TTC39C: variants seen among roughly 807,000 people sequenced by gnomAD.
The protein encoded by TTC39C is tetratricopeptide repeat domain 39C.
TTC39C carries 33 observed loss-of-function variants against 76.3 expected under a neutral mutation model. The ratio of observed to expected loss-of-function variants is 0.43; its 90% CI spans 0.33 to 0.58. The LOEUF is 0.58. Ranked by LOEUF, TTC39C falls within the 20% of genes least tolerant of loss-of-function variation. The pLI, the probability that TTC39C is intolerant of heterozygous loss-of-function variation, is 0.04. For synonymous variants in TTC39C, 254 were observed against 260.6 expected (o/e 0.97, Z 0.24); for missense variants, 595 against 701.4 (o/e 0.85, Z 1.71).
At chr18:24,069,097 T>C in intron 3 of TTC39C, 60 bp from the exon 4 acceptor site, 1 of 1,329,466 alleles carries the variant, frequency 7.5e-7, no homozygotes, top group Non-Finnish European at 1.1e-6. Context: ...TGATACTGTT[T>C]GGGGGAACTG....
intron 1 of TTC39C, among the ~76,000 whole-genome samples, chr18:24,047,419 A>G (rs1003233456): frequency 7.9e-5 from 12 of 152,196 alleles, no homozygotes; most frequent in African/African-American, 2.9e-4. Flanking sequence ...TCTTAATATC[A>G]GAATTCTTCA....
chr18:24,065,654 G>A (rs2084156601), intron 2 of TTC39C, among the ~76,000 whole-genome samples: 1 of 152,150 alleles, frequency 6.6e-6, no homozygotes. Context: ...TCCATATGTG[G>A]GTAGAATGAA....
At chr18:24,023,964 A>C (rs56091243) in intron 1 of TTC39C, among the ~76,000 whole-genome samples, 315 of 10,114 alleles carry the variant, frequency 0.031, 15 homozygotes, top group Middle Eastern at 0.17. Flanking sequence ...ATATATATAT[A>C]TATATATATA....
At chr18:24,104,768 T>A (rs2084726580) in intron 6 of TTC39C, among the ~76,000 whole-genome samples, 1 of 151,766 alleles carries the variant, frequency 6.6e-6, no homozygotes, top group Non-Finnish European at 1.5e-5. Context: ...AAGTACAGTC[T>A]CTTGTTCTTT....
At chr18:24,118,368 T>C (rs2145815445) in intron 8 of TTC39C, 136 bp downstream of exon 8, 1 of 631,456 alleles carries the variant, frequency 1.6e-6, no homozygotes. Flanking sequence ...TGTTAATGTT[T>C]TGTGCAACCA....
chr18:24,007,624 T>G (rs964434657), intron 1 of TTC39C, among the ~76,000 whole-genome samples: 2 of 152,230 alleles, frequency 1.3e-5, no homozygotes, highest in Non-Finnish European at 2.9e-5. Flanking sequence ...CCTCAGGTGA[T>G]CCACCCACCT....
chr18:24,034,628 C>A (rs865889997), intron 1 of TTC39C, among the ~76,000 whole-genome samples: 1 of 101,646 alleles, frequency 9.8e-6, no homozygotes, highest in East Asian at 2.2e-4. Flanking sequence ...ACCCATTAAA[C>A]AATAATTTCC....
Position 24,065,993 on chromosome 18 carries a change from ATTC to A in TTC39C, c.217-16_217-14del. 1 of 1,540,422 alleles carries A rather than the reference ATTC, an allele frequency of 6.5e-7. No individual in the cohort carries two copies. The highest frequency in any genetic ancestry group is 2.5e-5 in the East Asian group (1 of 40,530). ...CAGATACTAATTCATTCATTCATTC[ATTC>A]TTTCTTTCTTGGAAGAATGCCATGA... On this transcript the variant is annotated splice_polypyrimidine_tract_variant and intron_variant, in intron 2 of 13. Transcript: ENST00000317571.
chr18:24,122,266 C>T (rs977778354), intron 8 of TTC39C, among the ~76,000 whole-genome samples: 2 of 151,998 alleles, frequency 1.3e-5, no homozygotes, highest in African/African-American at 4.8e-5. Flanking sequence ...CACCTGTAAT[C>T]CCAGCACTTT....
intron 1 of TTC39C, among the ~76,000 whole-genome samples, chr18:24,030,569 G>C (rs1293340520): frequency 1.3e-5 from 2 of 151,584 alleles, no homozygotes; most frequent in Non-Finnish European, 2.9e-5. Flanking sequence ...TTGGTCATAG[G>C]TGCACGCTGT....
chr18:24,070,699 C>T (rs957508836), intron 4 of TTC39C, among the ~76,000 whole-genome samples: 5 of 151,902 alleles, frequency 3.3e-5, no homozygotes, highest in Non-Finnish European at 7.4e-5. Flanking sequence ...CAAAAATTAG[C>T]TGGGTGTGGT....
chr18:24,055,311 A>G (rs181400066), intron 1 of TTC39C, among the ~76,000 whole-genome samples: 14 of 152,330 alleles, frequency 9.2e-5, no homozygotes, highest in Admixed American at 2.6e-4. Flanking sequence ...GAAACTGCCT[A>G]TAGTTTTCCA....
At chr18:24,065,709 G>C (rs1190899152) in intron 2 of TTC39C, among the ~76,000 whole-genome samples, 1 of 152,194 alleles carries the variant, frequency 6.6e-6, no homozygotes, top group Non-Finnish European at 1.5e-5. Context: ...GAGCAGACCA[G>C]TCAGAAATCA....
chr18:24,092,562 A>T (rs1047320322), intron 6 of TTC39C, among the ~76,000 whole-genome samples: 2 of 152,346 alleles, frequency 1.3e-5, no homozygotes, highest in South Asian at 4.1e-4. Flanking sequence ...GAAAGGAATG[A>T]AGTACAGATA....
At chr18:23,999,576 T>C (rs564768834) in intron 1 of TTC39C, among the ~76,000 whole-genome samples, 2 of 151,108 alleles carry the variant, frequency 1.3e-5, no homozygotes, top group South Asian at 4.2e-4. Context: ...AAGCTTCATC[T>C]GAGTCTGCAA....
At chr18:24,126,573 C>G (rs920120535) in intron 10 of TTC39C, among the ~76,000 whole-genome samples, 1 of 152,044 alleles carries the variant, frequency 6.6e-6, no homozygotes, top group Non-Finnish European at 1.5e-5. Flanking sequence ...GATGTGTAAC[C>G]CTCCCAAGGA....
At chr18:24,117,755 T>G (rs1295027730) in intron 7 of TTC39C, among the ~76,000 whole-genome samples, 1 of 151,362 alleles carries the variant, frequency 6.6e-6, no homozygotes, top group East Asian at 1.9e-4. Context: ...GAGTACATAA[T>G]CGAGTGGTGT....
chr18:24,048,079 C>A (rs1311344864), intron 1 of TTC39C, among the ~76,000 whole-genome samples: 1 of 152,012 alleles, frequency 6.6e-6, no homozygotes, highest in African/African-American at 2.4e-5. Context: ...TTTAATATGG[C>A]AAAAATGCAT....
At chr18:24,051,626 G>A (rs896111356) in intron 1 of TTC39C, among the ~76,000 whole-genome samples, 5 of 152,170 alleles carry the variant, frequency 3.3e-5, no homozygotes, top group African/African-American at 7.2e-5. Flanking sequence ...GAGGCATGCC[G>A]TCCTTTAGAT....
Sources: gnomAD v4.1 joint callset for allele counts (sites outside exome capture counted in the v4.1 genomes callset) on GRCh38, gnomAD v4.1.1 for gene constraint, MANE v1.5 for transcripts, NCBI Gene and HGNC (gene_info 2026-07-23, HGNC 2026-07-21) for gene names.